PLB1: variants seen among roughly 807,000 people sequenced by gnomAD.
PLB1 encodes phospholipase B1, membrane-associated.
In PLB1, 242 loss-of-function variants were observed where a neutral mutation model predicts 227.4. The ratio of observed to expected loss-of-function variants is 1.06; its 90% confidence interval spans 0.96 to 1.18. The LOEUF is 1.18. Ranked by LOEUF, PLB1 falls within the 50% of genes most tolerant of loss-of-function variation. PLB1 has a pLI of 0.00. For missense variants in PLB1, 1,858 were observed against 1,816.3 expected, an observed-to-expected ratio of 1.02 and a Z score of -0.42; for synonymous variants, 757 against 682.2, an observed-to-expected ratio of 1.11 and a Z score of -1.71.
At chr2:28,617,406 T>C (rs1431257753) in intron 44 of PLB1, among the ~76,000 whole-genome samples, 1 of 152,216 alleles carries the variant, frequency 6.6e-6, no homozygotes, top group Non-Finnish European at 1.5e-5. Flanking sequence ...TAGGACTTCA[T>C]GGTTTTCTTC....
intron 1 of PLB1, among the ~76,000 whole-genome samples, chr2:28,516,453 GTAACTGTTTGTCTGACAT>G (rs1015605792): frequency 5.3e-5 from 8 of 152,150 alleles, no homozygotes; most frequent in African/African-American, 1.9e-4. Flanking sequence ...TGCAACAACA[GTAACTGTTTGTCTGACAT>G]TACCTTCTTT....
At chr2:28,597,773 T>G (rs1407188381) in intron 33 of PLB1, among the ~76,000 whole-genome samples, 3 of 152,132 alleles carry the variant, frequency 2.0e-5, no homozygotes, top group Non-Finnish European at 4.4e-5. Context: ...TCCCTCCTGA[T>G]CTGGTAAAGA....
chr2:28,503,830 T>G (rs1045283283), intron 1 of PLB1, among the ~76,000 whole-genome samples: 4 of 152,182 alleles, frequency 2.6e-5, no homozygotes, highest in African/African-American at 9.7e-5. Flanking sequence ...TATGAGTCAA[T>G]GCAAGTTTCT....
At chr2:28,593,777 C>G in intron 33 of PLB1, 23 bp downstream of exon 33, 1 of 1,592,416 alleles carries the variant, frequency 6.3e-7, no homozygotes, top group Non-Finnish European at 8.6e-7. Flanking sequence ...TTTGACCTCT[C>G]CCAGCGTTCC....
At chr2:28,505,496 A>G (rs1358304153) in intron 1 of PLB1, among the ~76,000 whole-genome samples, 21 of 152,248 alleles carry the variant, frequency 1.4e-4, no homozygotes, top group Admixed American at 1.4e-3. Context: ...CGAATGGGTC[A>G]GAAGTTCCCA....
chr2:28,578,513 G>C (rs1469289477), intron 22 of PLB1, among the ~76,000 whole-genome samples: 2 of 152,122 alleles, frequency 1.3e-5, no homozygotes, highest in African/African-American at 4.8e-5. Flanking sequence ...GGTGCAGAAG[G>C]GACCGGCGCC....
chr2:28,548,984 G>A (rs1673756389), intron 15 of PLB1, 53 bp downstream of exon 15: 1 of 1,555,202 alleles, frequency 6.4e-7, no homozygotes, highest in Admixed American at 1.7e-5. Context: ...GGCGCAGGTG[G>A]GGTGGCCAAG....
At chr2:28,509,138 TC>T (rs1419953461) in intron 1 of PLB1, among the ~76,000 whole-genome samples, 16 of 152,304 alleles carry the variant, frequency 1.1e-4, no homozygotes, top group Admixed American at 8.5e-4. Context: ...ATGGCTGTAT[TC>T]CCTCAAGGAA....
At chr2:28,594,207 G>A (rs1203086432) in intron 33 of PLB1, 6 of 355,478 alleles carry the variant, frequency 1.7e-5, no homozygotes, top group Admixed American at 7.3e-5. Context: ...GAAACCCATC[G>A]CACACTTCGA....
chr2:28,552,577 A>G (rs975035209), intron 16 of PLB1, among the ~76,000 whole-genome samples: 2 of 152,208 alleles, frequency 1.3e-5, no homozygotes, highest in Non-Finnish European at 2.9e-5. Flanking sequence ...GGAGTGACAC[A>G]TCAGATCACG....
intron 54 of PLB1, among the ~76,000 whole-genome samples, chr2:28,631,064 G>A (rs1424407743): frequency 1.3e-5 from 2 of 151,896 alleles, no homozygotes; most frequent in African/African-American, 4.8e-5. Context: ...TGAGATGGGA[G>A]GACAGCTTGA....
Position 28,643,475 on chromosome 2 carries a change from C to T in PLB1, c.*414C>T, listed in dbSNP as rs973063869. On this transcript the variant is annotated 3_prime_UTR_variant, in exon 58 of 58. Coordinates refer to ENST00000327757, the MANE Select transcript of PLB1 (RefSeq NM_153021.5). ...AAAAATGCTGGTCACCAGGTGGTGG[C>T]TGGAATTTTGGAGCTGGCTGGTTGC... 6.0e-6 allele frequency: 1 copy of T among 167,532 alleles called. No homozygotes were observed. Among genetic ancestry groups the T allele is most frequent in the Non-Finnish European group, 1.3e-5 (1 of 77,970 alleles). 10.4% of individuals were successfully genotyped at this position (167,532 alleles called of 1,614,324 possible).
At chr2:28,620,087 G>T (rs1278101308) in intron 46 of PLB1, among the ~76,000 whole-genome samples, 178 bp from the exon 47 acceptor site, 1 of 151,788 alleles carries the variant, frequency 6.6e-6, no homozygotes, top group Non-Finnish European at 1.5e-5. Context: ...TGTAGGTAAA[G>T]AACTGAGGAG....
At chr2:28,540,986 C>T (rs1672397898) in intron 12 of PLB1, among the ~76,000 whole-genome samples, 1 of 152,074 alleles carries the variant, frequency 6.6e-6, no homozygotes. Context: ...GTCTGGGCAA[C>T]ATAGTGAAAC....
chr2:28,615,961 A>G (rs768173549), intron 44 of PLB1, among the ~76,000 whole-genome samples: 1 of 152,234 alleles, frequency 6.6e-6, no homozygotes, highest in Admixed American at 6.5e-5. Context: ...CGTTAAGTGA[A>G]ATAAGTCAGG....
intron 20 of PLB1, 47 bp from the exon 21 acceptor site, chr2:28,573,150 A>C: frequency 3.4e-6 from 5 of 1,463,976 alleles, no homozygotes; most frequent in Non-Finnish European, 4.8e-6. Flanking sequence ...GAATTTGAAG[A>C]TTGCTTTGCA....
chr2:28,539,839 A>G (rs1672217468), intron 11 of PLB1, among the ~76,000 whole-genome samples: 1 of 151,754 alleles, frequency 6.6e-6, no homozygotes, highest in Non-Finnish European at 1.5e-5. Context: ...GAGGACTGAG[A>G]GATGAAGGGG....
chr2:28,589,913 C>T, intron 28 of PLB1, 92 bp from the exon 29 acceptor site: 5 of 1,371,178 alleles, frequency 3.6e-6, no homozygotes, highest in Non-Finnish European at 5.2e-6. Flanking sequence ...CTCCTTCATC[C>T]CTCCCTGCCT....
intron 26 of PLB1, among the ~76,000 whole-genome samples, chr2:28,587,382 A>G (rs1681079249): frequency 6.6e-6 from 1 of 152,170 alleles, no homozygotes; most frequent in Non-Finnish European, 1.5e-5. Context: ...TTGGGAGACC[A>G]AGGCGGGAGG....
Sources: allele counts gnomAD v4.1 joint callset (sites outside exome capture counted in the v4.1 genomes callset), GRCh38; gene constraint gnomAD v4.1.1; transcripts MANE v1.5; gene names NCBI Gene and HGNC (gene_info 2026-07-23, HGNC 2026-07-21).